The following TMEM132D variants were observed in gnomAD, a reference collection of about 807,000 sequenced individuals.
The protein encoded by TMEM132D is transmembrane protein 132D.
TMEM132D carries 21 observed loss-of-function variants against 62.3 expected under a neutral mutation model. The ratio of observed to expected loss-of-function variants is 0.34; its 90% CI spans 0.24 to 0.49. TMEM132D has a LOEUF of 0.49. Among genes scored for constraint, TMEM132D ranks in the 20% least tolerant of loss-of-function variants. The probability of loss-of-function intolerance (pLI) is 0.99; values close to 1 mark genes in which losing one functional copy is unlikely to be tolerated. For missense variants in TMEM132D, 1,346 were observed against 1,402.8 expected (o/e 0.96, Z 0.65); for synonymous variants, 621 against 575.6 (o/e 1.08, Z -1.13).
intron 1 of TMEM132D, among the ~76,000 whole-genome samples, chr12:129,893,178 G>T (rs1355015229): frequency 6.6e-6 from 1 of 152,040 alleles, no homozygotes; most frequent in African/African-American, 2.4e-5. Flanking sequence ...CCTGGCTTAA[G>T]GACTCCTTTT....
intron 2 of TMEM132D, among the ~76,000 whole-genome samples, chr12:129,582,933 T>TTTTTGTTTTGTTTTG (rs368105172): frequency 6.6e-6 from 1 of 150,808 alleles, no homozygotes; most frequent in African/African-American, 2.4e-5. Flanking sequence ...CCGAGTTTGT[T>TTTTTGTTTTGTTTTG]TTTTGTTTTG....
intron 1 of TMEM132D, among the ~76,000 whole-genome samples, chr12:129,818,404 T>C (rs915204614): frequency 1.4e-5 from 2 of 146,588 alleles, no homozygotes; most frequent in African/African-American, 5.1e-5. Context: ...CGGGGGTGTG[T>C]GTGGGGTTTT....
At chr12:129,488,801 A>T (rs2137058665) in intron 3 of TMEM132D, among the ~76,000 whole-genome samples, 1 of 152,202 alleles carries the variant, frequency 6.6e-6, no homozygotes. Context: ...GGGATCTTTC[A>T]GGCCATGAGC....
At chr12:129,420,229 C>A (rs929173453) in intron 3 of TMEM132D, among the ~76,000 whole-genome samples, 4 of 151,262 alleles carry the variant, frequency 2.6e-5, no homozygotes, top group Non-Finnish European at 4.4e-5. Flanking sequence ...ACAGCCAAGA[C>A]ACTGTACCGT....
At chr12:129,100,419 C>T (rs184493040) in intron 5 of TMEM132D, among the ~76,000 whole-genome samples, 100 of 152,294 alleles carry the variant, frequency 6.6e-4, no homozygotes, top group Middle Eastern at 3.4e-3. Flanking sequence ...GAGAGGCTGA[C>T]GGGTTGGCTC....
In TMEM132D at chr12:129,371,466, C is replaced by T. The variant is rs10847844; in HGVS notation, c.1116-33649G>A. Among the ~76,000 whole-genome samples the T allele has an allele frequency of 0.23, 34,938 of 150,254 alleles. 4,167 individuals carry two copies. Among genetic ancestry groups the T allele is most frequent in the Non-Finnish European group, 0.27 (17,963 of 67,684 alleles). On this transcript the variant is annotated intron_variant, in intron 3 of 8. Transcript: ENST00000422113. This position sits in a 1 kb window ranked among gnomAD's most constrained non-coding sequence, Gnocchi z 4.3. ...GTGATATTGATGATGGTGGTAATGA[C>T]GATGATGATGTGATAATGGTGATAA...
At chr12:129,257,811 T>C (rs1431179120) in intron 4 of TMEM132D, among the ~76,000 whole-genome samples, 1 of 152,160 alleles carries the variant, frequency 6.6e-6, no homozygotes. Flanking sequence ...CGTGGGGAGA[T>C]GCTGTCTGGG....
At chr12:129,526,044 T>TAA (rs1566098502) in intron 3 of TMEM132D, among the ~76,000 whole-genome samples, 1 of 152,210 alleles carries the variant, frequency 6.6e-6, no homozygotes, top group Non-Finnish European at 1.5e-5. Context: ...GCTGGAAAAT[T>TAA]AACAAGCATT....
At position 129,186,719 on chromosome 12, in the gene TMEM132D, G is replaced by A. The variant is rs78399937; in HGVS notation, c.1443+22801C>T. Among the ~76,000 whole-genome samples the A allele has an allele frequency of 8.5e-3, 1,293 of 152,302 alleles. 20 individuals carry two copies. The highest frequency in any genetic ancestry group is 0.029 in the African/African-American group (1,216 of 41,562). ...ATGAAATGAGCTAATACATGTAAGT[G>A]TTATCCAACAGTGCCAGGATCAGAA... is the stretch of plus-strand genomic sequence containing the variant. On this transcript the variant is annotated intron_variant, in intron 5 of 8. Transcript: ENST00000422113.
chr12:129,431,623 C>T (rs1872658334), intron 3 of TMEM132D, among the ~76,000 whole-genome samples: 1 of 152,194 alleles, frequency 6.6e-6, no homozygotes, highest in African/African-American at 2.4e-5. Flanking sequence ...CAGCCGCCTG[C>T]TCATGCTGCT....
intron 3 of TMEM132D, among the ~76,000 whole-genome samples, chr12:129,500,273 G>A (rs11610450): frequency 0.28 from 15,605 of 55,962 alleles, 4,343 homozygotes; most frequent in Middle Eastern, 0.41. Context: ...AGTTACCTCC[G>A]ACAAATACCC....
At chr12:129,562,952 C>A (rs61943475) in intron 2 of TMEM132D, among the ~76,000 whole-genome samples, 3 of 152,124 alleles carry the variant, frequency 2.0e-5, no homozygotes, top group African/African-American at 7.2e-5. Flanking sequence ...AATTCTATTA[C>A]GGCACCTACC....
rs1875415904 is a variant in TMEM132D, at chr12:129,903,037, C to T, written c.79+224G>A. On this transcript the variant is annotated intron_variant, in intron 1 of 8. Transcript: ENST00000422113. This position sits in a 1 kb window ranked among gnomAD's most constrained non-coding sequence, Gnocchi z 6.2. ...CTTAGTAGTCTCACCTAAGGCCTCC[C>T]ACCCAAGTGCTCCAGGACAAGCACC... Among the ~76,000 whole-genome samples, 1 of 152,192 alleles carries T rather than the reference C, an allele frequency of 6.6e-6. No individual in the cohort carries two copies.
chr12:129,557,292 G>A (rs1202758220), intron 2 of TMEM132D, among the ~76,000 whole-genome samples: 1 of 152,082 alleles, frequency 6.6e-6, no homozygotes, highest in East Asian at 1.9e-4. Context: ...TTTTTTATCT[G>A]TGCTTATAGG....
At chr12:129,892,527 TCTC>T (rs1874960342) in intron 1 of TMEM132D, among the ~76,000 whole-genome samples, 3 of 152,088 alleles carry the variant, frequency 2.0e-5, no homozygotes, top group Non-Finnish European at 2.9e-5. Context: ...TTCTCCTCCC[TCTC>T]CTCCTCCTCG....
intron 1 of TMEM132D, among the ~76,000 whole-genome samples, chr12:129,854,208 G>A (rs941655273): frequency 2.0e-5 from 3 of 152,162 alleles, no homozygotes; most frequent in Non-Finnish European, 4.4e-5. Context: ...GACACAAAAC[G>A]TTCAGCTATC....
intron 3 of TMEM132D, among the ~76,000 whole-genome samples, chr12:129,401,784 C>T (rs1355927370): frequency 1.3e-5 from 2 of 152,104 alleles, no homozygotes; most frequent in Non-Finnish European, 2.9e-5. Flanking sequence ...CTTCTCTCCA[C>T]TCCTCAACCT....
At chr12:129,882,105 A>T (rs973559638) in intron 1 of TMEM132D, among the ~76,000 whole-genome samples, 1 of 152,100 alleles carries the variant, frequency 6.6e-6, no homozygotes, top group Non-Finnish European at 1.5e-5. Flanking sequence ...AATAATCCTG[A>T]AACTATCAAA....
rs577124928 is a variant in TMEM132D, at chr12:129,696,998, T to C, written c.968+2812A>G. Reference sequence around the variant, plus strand: ...AAAGAGTGAAACACACATGCATATATACACGCATACAAATACACACACAGA... The same window carrying C: ...AAAGAGTGAAACACACATGCATATACACACGCATACAAATACACACACAGA... On this transcript the variant is annotated intron_variant, in intron 2 of 8. Transcript: ENST00000422113. 4.5e-4 allele frequency among the ~76,000 whole-genome samples: 69 copies of C among 152,316 alleles called. No homozygotes were observed. The South Asian group carries it at 0.011, about 23-fold the overall frequency.
Sources: allele counts gnomAD v4.1 joint callset (sites outside exome capture counted in the v4.1 genomes callset), GRCh38; gene constraint gnomAD v4.1.1; non-coding constraint Gnocchi (gnomAD v3.1); transcripts MANE v1.5; gene names NCBI Gene and HGNC (gene_info 2026-07-23, HGNC 2026-07-21).